KIAA1549L: variants seen among roughly 807,000 people sequenced by gnomAD.
KIAA1549L encodes KIAA1549 like.
Under a neutral mutation model 160.7 loss-of-function variants are expected in KIAA1549L, and 88 were observed. That is an observed-to-expected ratio of 0.55 (90% CI 0.46 to 0.65). The LOEUF (loss-of-function observed/expected upper bound fraction) is 0.65, where lower values mean the gene tolerates loss of function less well. Among genes scored for constraint, KIAA1549L ranks in the 30% least tolerant of loss-of-function variants. The pLI is 0.00. For missense variants in KIAA1549L, 2,258 were observed against 2,437.5 expected, an observed-to-expected ratio of 0.93 and a Z score of 1.55; for synonymous variants, 950 against 976.7, an observed-to-expected ratio of 0.97 and a Z score of 0.51.
Position 33,542,281 on chromosome 11 carries a change from C to G in KIAA1549L, c.718C>G (p.Pro240Ala), listed in dbSNP as rs981194841. The G allele has an allele frequency of 1.1e-5, 7 of 646,538 alleles. No homozygotes were observed. The South Asian group carries it at 1.2e-4, about 11-fold the overall frequency. 40.1% of individuals were successfully genotyped at this position (646,538 alleles called of 1,614,324 possible). ...ISKHPPRSDI[P>A]PLLPLPPSSS... ...AAAGCATCCCCCAAGGTCAGACATT[C>G]CCCCACTCCTCCCTCTACCTCCATC... Residue 240 changes from proline to alanine, a missense_variant, in exon 2 of 21, where the codon CCC (proline) becomes GCC (alanine). Around this residue, in one of 6 missense-constraint regions of KIAA1549L, gnomAD observed 540 missense variants for 465.7 expected, o/e 1.16. Coordinates refer to ENST00000658780, the MANE Select transcript of KIAA1549L (RefSeq NM_012194.3).
rs186192795 is a variant in KIAA1549L, at chr11:33,655,803, T to G, written c.5761-209T>G. On this transcript the variant is annotated intron_variant, in intron 17 of 20. Coordinates refer to ENST00000658780, the MANE Select transcript of KIAA1549L (RefSeq NM_012194.3). ...TGTTCTGAGAATGGTTGGAGGGCCC[T>G]GTAAGTACAGTGGCCCCAGCGAGAG... Among the ~76,000 whole-genome samples the G allele has an allele frequency of 6.4e-3, 975 of 152,262 alleles. 4 individuals carry two copies. Among genetic ancestry groups the G allele is most frequent in the Non-Finnish European group, 7.5e-3 (512 of 68,016 alleles).
At chr11:33,562,149 C>G (rs1345324685) in intron 8 of KIAA1549L, among the ~76,000 whole-genome samples, 1 of 152,182 alleles carries the variant, frequency 6.6e-6, no homozygotes, top group Non-Finnish European at 1.5e-5. Context: ...CAACATGTAC[C>G]CAGACCAATC....
intron 1 of KIAA1549L, among the ~76,000 whole-genome samples, chr11:33,411,527 G>T (rs1347164544): frequency 6.6e-6 from 1 of 152,190 alleles, no homozygotes; most frequent in Non-Finnish European, 1.5e-5. Context: ...ACCTTGCTTG[G>T]CAAAATTAAA....
intron 1 of KIAA1549L, among the ~76,000 whole-genome samples, chr11:33,446,833 G>A (rs760696428): frequency 9.9e-5 from 15 of 151,560 alleles, no homozygotes; most frequent in Non-Finnish European, 1.8e-4. Context: ...AAGTGATCAC[G>A]CCAAAAATTG....
chr11:33,578,688 G>A (rs1855537229), intron 10 of KIAA1549L, among the ~76,000 whole-genome samples: 1 of 152,190 alleles, frequency 6.6e-6, no homozygotes, highest in Non-Finnish European at 1.5e-5. Flanking sequence ...GTCTCAGGCT[G>A]CTTTTCCAGC....
At chr11:33,393,703 G>A (rs1452260805) in intron 1 of KIAA1549L, among the ~76,000 whole-genome samples, 1 of 152,214 alleles carries the variant, frequency 6.6e-6, no homozygotes, top group Non-Finnish European at 1.5e-5. Context: ...AGAGCAGGAA[G>A]CAGTGCTACT....
chr11:33,428,290 C>A lies in KIAA1549L; in HGVS notation c.238+51401C>A, dbSNP rs150808989. Among the ~76,000 whole-genome samples the A allele has an allele frequency of 4.0e-3, 611 of 152,262 alleles. 6 individuals are homozygous for A. Among genetic ancestry groups the A allele is most frequent in the African/African-American group, 0.014 (573 of 41,562 alleles). ...TTATATTTCCTTACCTCTTTGTCAACGTTTATAATTTCCTGTTTTTTTAAA... is the reference window on the plus strand; with the variant it reads ...TTATATTTCCTTACCTCTTTGTCAAAGTTTATAATTTCCTGTTTTTTTAAA... On this transcript the variant is annotated intron_variant, in intron 1 of 20. Coordinates refer to ENST00000658780, the MANE Select transcript of KIAA1549L (RefSeq NM_012194.3).
chr11:33,558,675 T>C (rs151070857), intron 6 of KIAA1549L, among the ~76,000 whole-genome samples: 14 of 152,290 alleles, frequency 9.2e-5, no homozygotes, highest in Non-Finnish European at 1.9e-4. Context: ...CCCAGAAAGC[T>C]TCATTTTCCA....
In KIAA1549L at chr11:33,644,000, AG is replaced by A. The variant is rs1160109635; in HGVS notation, c.5410-1684del. Reference sequence around the variant, plus strand: ...AGAGCCCCAATATGTCCCCCAGCCCAGGAGTTTGGGGGGCATGCACCCAGGC... The same window carrying A: ...AGAGCCCCAATATGTCCCCCAGCCCAGAGTTTGGGGGGCATGCACCCAGGC... On this transcript the variant is annotated intron_variant, in intron 16 of 20. Transcript: ENST00000658780. Among the ~76,000 whole-genome samples the A allele has an allele frequency of 9.2e-5, 14 of 152,304 alleles. No individual in the cohort carries two copies. In the East Asian group the frequency reaches 1.2e-3, roughly 13 times the overall value.
At chr11:33,592,908 T>C (rs1425016100) in intron 12 of KIAA1549L, among the ~76,000 whole-genome samples, 1 of 152,176 alleles carries the variant, frequency 6.6e-6, no homozygotes, top group East Asian at 1.9e-4. Flanking sequence ...AGTTTGTGCA[T>C]CGCCCAGAGG....
At position 33,378,367 on chromosome 11, in the gene KIAA1549L, C is replaced by T. The variant is rs530099800; in HGVS notation, c.238+1478C>T. Among the ~76,000 whole-genome samples, 108 of 152,238 alleles carry T rather than the reference C, an allele frequency of 7.1e-4. 1 individual carries two copies. The highest frequency in any genetic ancestry group is 2.5e-3 in the African/African-American group (104 of 41,542). On this transcript the variant is annotated intron_variant, in intron 1 of 20. Coordinates refer to ENST00000658780, the MANE Select transcript of KIAA1549L (RefSeq NM_012194.3). ...GGATCAGTTTTGAATTTCTGATTTC[C>T]CTTCTGACCTTTGTACCTTGAGCCT... is the stretch of plus-strand genomic sequence containing the variant.
chr11:33,505,674 C>A (rs947166121), intron 1 of KIAA1549L, among the ~76,000 whole-genome samples: 1 of 152,174 alleles, frequency 6.6e-6, no homozygotes, highest in Non-Finnish European at 1.5e-5. Flanking sequence ...CAGTTTCTTT[C>A]TTTCACCATC....
At chr11:33,600,145 C>G (rs140616121) in intron 13 of KIAA1549L, among the ~76,000 whole-genome samples, 81 of 152,226 alleles carry the variant, frequency 5.3e-4, no homozygotes, top group Non-Finnish European at 1.0e-3. Flanking sequence ...ACTGTCATAC[C>G]TATTTGGTGG....
Position 33,660,740 on chromosome 11 carries a change from A to G in KIAA1549L, c.6008-123A>G. The G allele has an allele frequency of 3.3e-6, 3 of 899,750 alleles. No individual in the cohort carries two copies. In the South Asian group the frequency reaches 5.0e-5, roughly 15 times the overall value. 55.7% of individuals were successfully genotyped at this position (899,750 alleles called of 1,614,324 possible). On this transcript the variant is annotated intron_variant, in intron 19 of 20. Coordinates refer to ENST00000658780, the MANE Select transcript of KIAA1549L (RefSeq NM_012194.3). ...CTCCCCTCAGCTCAGACCTGATTTA[A>G]TGAGACTTCAAATCCAGCAGCCAGC...
At chr11:33,539,005 A>G (rs374167531) in intron 1 of KIAA1549L, among the ~76,000 whole-genome samples, 2 of 152,190 alleles carry the variant, frequency 1.3e-5, no homozygotes, top group Non-Finnish European at 2.9e-5. Flanking sequence ...TAATCCTAAT[A>G]TATGTCTTCC....
At position 33,542,485 on chromosome 11, in the gene KIAA1549L, G is replaced by T. The variant is rs1040454319; in HGVS notation, c.922G>T (p.Asp308Tyr). Residue 308 changes from aspartate (D) to tyrosine (Y), a missense_variant, in exon 2 of 21, where the codon GAT becomes TAT. Around this residue, in one of 6 missense-constraint regions of KIAA1549L, gnomAD observed 540 missense variants for 465.7 expected, o/e 1.16. Coordinates refer to ENST00000658780, the MANE Select transcript of KIAA1549L (RefSeq NM_012194.3). ...MDHTASQNAQ[D>Y]LIGIPHLGVS... Reference sequence around the variant, plus strand: ...CCACACTGCATCCCAAAATGCCCAGGATCTCATAGGCATCCCTCATCTAGG... The same window carrying T: ...CCACACTGCATCCCAAAATGCCCAGTATCTCATAGGCATCCCTCATCTAGG... 5 of 1,613,312 alleles carry T rather than the reference G, an allele frequency of 3.1e-6. No individual in the cohort carries two copies. The highest frequency in any genetic ancestry group is 4.2e-6 in the Non-Finnish European group (5 of 1,179,674).
intron 13 of KIAA1549L, among the ~76,000 whole-genome samples, chr11:33,602,667 C>T (rs1479963336): frequency 1.3e-5 from 2 of 152,194 alleles, no homozygotes; most frequent in Admixed American, 6.5e-5. Context: ...TGCTAAGACA[C>T]TTGCAGTTTC....
At chr11:33,652,200 C>T (rs1851916828) in intron 17 of KIAA1549L, among the ~76,000 whole-genome samples, 1 of 151,812 alleles carries the variant, frequency 6.6e-6, no homozygotes, top group Admixed American at 6.6e-5. Flanking sequence ...GGATTCCTGT[C>T]ACAGAGCAGC....
intron 1 of KIAA1549L, among the ~76,000 whole-genome samples, chr11:33,525,754 A>T (rs1468941962): frequency 6.6e-6 from 1 of 151,758 alleles, no homozygotes; most frequent in East Asian, 1.9e-4. Context: ...AGCTGCCTGG[A>T]TGTATACTTG....
Sources: allele counts gnomAD v4.1 joint callset (sites outside exome capture counted in the v4.1 genomes callset), GRCh38; gene constraint gnomAD v4.1.1; regional missense constraint gnomAD v4.1.1; transcripts MANE v1.5; gene names NCBI Gene and HGNC (gene_info 2026-07-23, HGNC 2026-07-21).